The following GMIP variants were observed in gnomAD, a reference collection of about 807,000 sequenced individuals.
GMIP encodes the protein GEM interacting protein, also known as GEM-interacting protein.
A neutral mutation model predicts 105.3 loss-of-function variants in GMIP; 54 were observed. That is an observed-to-expected ratio of 0.51 (90% CI 0.41 to 0.64). GMIP has a LOEUF of 0.64. Among genes scored for constraint, GMIP ranks in the 30% least tolerant of loss-of-function variants. The pLI is 0.00. For synonymous variants in GMIP, 541 were observed against 560.8 expected, an observed-to-expected ratio of 0.96 and a Z score of 0.50; for missense variants, 1,110 against 1,319.4, an observed-to-expected ratio of 0.84 and a Z score of 2.46.
At position 19,630,307 on chromosome 19, in the gene GMIP, G is replaced by A. The variant is rs1427657113; in HGVS notation, c.2569C>T (p.Leu857=). The part of the protein sequence containing the change: ...VSSQGPEDSL[L]GTQSRGHFSR... ...AAGTGGCCACGAGACTGTGTCCCCA[G>A]GAGTGAGTCCTCTGGGCCTTGGCTG... is the stretch of plus-strand genomic sequence containing the variant. Residue 857 remains leucine (L), a synonymous_variant, in exon 21 of 21, where the codon CTG becomes TTG. Coordinates refer to ENST00000203556, the MANE Select transcript of GMIP (RefSeq NM_016573.4). This position sits in a 1 kb window ranked among gnomAD's most constrained non-coding sequence, Gnocchi z 4.8. The A allele has an allele frequency of 3.2e-6, 5 of 1,544,488 alleles. No homozygotes were observed. The highest frequency in any genetic ancestry group is 4.4e-6 in the Non-Finnish European group (5 of 1,144,036).
In GMIP at chr19:19,635,155, C is replaced by T. The variant is rs367726683; in HGVS notation, c.1619G>A (p.Arg540Lys). Residue 540 changes from arginine to lysine, a missense_variant, in exon 16 of 21, where the codon AGG (arginine) becomes AAG (lysine). Transcript: ENST00000203556. The surrounding 1 kb of genome is among the most constrained non-coding windows in gnomAD (Gnocchi z 4.7). ...LETLLILCGH[R>K]RLPARTPLFG... ...AAGGGGTGTCCGGGCTGGGAGCCGC[C>T]TGTGTCCACAGAGGATCAGGAGAGT... 2 of 1,613,962 alleles carry T rather than the reference C, an allele frequency of 1.2e-6. No homozygotes were observed. The highest frequency in any genetic ancestry group is 1.7e-6 in the Non-Finnish European group (2 of 1,179,900).
chr19:19,636,437 C>T (rs2061854759), intron 13 of GMIP, among the ~76,000 whole-genome samples: 2 of 152,008 alleles, frequency 1.3e-5, no homozygotes, highest in African/African-American at 2.4e-5. Flanking sequence ...ACAGGAGAAT[C>T]GCTTGAATCT....
At chr19:19,640,262 CT>C (rs745386647) in intron 6 of GMIP, 33 bp downstream of exon 6, 3 of 1,600,562 alleles carry the variant, frequency 1.9e-6, no homozygotes, top group Non-Finnish European at 2.6e-6. Context: ...TTCTAGGGGG[CT>C]TGGGCTCTCC....
chr19:19,639,975 C>G (rs746278249), intron 7 of GMIP, 110 bp downstream of exon 7: 1 of 643,940 alleles, frequency 1.6e-6, no homozygotes, highest in Non-Finnish European at 2.8e-6. Context: ...GAAATGGCGA[C>G]GTTGGTAGTG....
chr19:19,640,023 A>C, intron 7 of GMIP, 62 bp downstream of exon 7: 1 of 913,968 alleles, frequency 1.1e-6, no homozygotes, highest in Non-Finnish European at 1.8e-6. Flanking sequence ...CGAGGGGATC[A>C]GGCCTGAAGG....
Position 19,630,319 on chromosome 19 carries a change from C to CT in GMIP, c.2556dup (p.Glu853ArgfsTer69). The stretch of plus-strand genomic sequence containing the variant: ...GACTGTGTCCCCAGGAGTGAGTCCT[C>CT]TGGGCCTTGGCTGGACACTGTGTAC... On this transcript the variant is annotated frameshift_variant, in exon 21 of 21. Coordinates refer to ENST00000203556, the MANE Select transcript of GMIP (RefSeq NM_016573.4). LOFTEE classifies it low-confidence loss of function (END_TRUNC). This position sits in a 1 kb window ranked among gnomAD's most constrained non-coding sequence, Gnocchi z 4.8. 3.2e-6 allele frequency: 5 copies of CT among 1,540,060 alleles called. No individual in the cohort carries two copies. Among genetic ancestry groups the CT allele is most frequent in the Non-Finnish European group, 4.4e-6 (5 of 1,142,590 alleles).
Position 19,637,410 on chromosome 19 carries a change from G to A in GMIP, c.1079C>T (p.Pro360Leu), listed in dbSNP as rs917200360. 1 of 1,490,508 alleles carries A rather than the reference G, an allele frequency of 6.7e-7. No individual in the cohort carries two copies. The highest frequency in any genetic ancestry group is 8.9e-7 in the Non-Finnish European group (1 of 1,127,732). 92.3% of individuals were successfully genotyped at this position (1,490,508 alleles called of 1,614,324 possible). A position where few individuals can be genotyped will look rare whatever the true frequency, so the allele number is the denominator to read the frequency against. The change falls in exon 11 of 21, where the codon CCG becomes CTG. Residue 360 changes from proline (P) to leucine (L), a missense_variant. This residue lies in a region of GMIP where 667 missense variants were observed against 773.2 expected (regional missense o/e 0.86). Coordinates refer to ENST00000203556, the MANE Select transcript of GMIP (RefSeq NM_016573.4). This position sits in a 1 kb window ranked among gnomAD's most constrained non-coding sequence, Gnocchi z 6.7. ...CTCCTGGAAGGAGAAGGCGGGCGGC[G>A]GGGGCGGCGGGGCCTCGGGCCGCAG... ...RALRPEAPPP[P>L]PPAFSFQEFL...
rs149802001 is a variant in GMIP at position 19,642,537 on chromosome 19, G to A, written c.102C>T (p.Asn34=). 29 of 1,599,574 alleles carry A rather than the reference G, an allele frequency of 1.8e-5. No homozygotes were observed. In the Admixed American group the frequency reaches 3.7e-4, roughly 20 times the overall value. The change falls in exon 2 of 21, where the codon AAC becomes AAT. Residue 34 remains asparagine, a splice_region_variant and synonymous_variant. Coordinates refer to ENST00000203556, the MANE Select transcript of GMIP (RefSeq NM_016573.4). ...GGGTGATCCAGGCTCAGACTCACAC[G>A]TTCCCCAGTGAGATTTCGAGGTTGT... ...SLDNLEISLG[N]VTLEMLAGDP...
rs574633922 is a variant in GMIP, at chr19:19,630,895, G to A, written c.2473-358C>T. Among the ~76,000 whole-genome samples the A allele has an allele frequency of 5.3e-4, 80 of 152,236 alleles. 1 individual carries two copies. In the South Asian group the frequency reaches 6.2e-3, roughly 12 times the overall value. On this transcript the variant is annotated intron_variant, in intron 19 of 20. Transcript: ENST00000203556. The surrounding 1 kb of genome is among the most constrained non-coding windows in gnomAD (Gnocchi z 4.8). ...GCAGTTTTGGTGTTTGGGGATAGAC[G>A]ATGCCCTTATAAGTGTACTGCTTGG...
chr19:19,637,610 G>A lies in GMIP; in HGVS notation c.928-49C>T, dbSNP rs757136314. ...GGGGAGGGGCGGAGCCTGGGAGCCT[G>A]GGGGCAGGGCCAGAGCTGGGGCGGG... On this transcript the variant is annotated intron_variant, in intron 10 of 20. Transcript: ENST00000203556. The surrounding 1 kb of genome is among the most constrained non-coding windows in gnomAD (Gnocchi z 6.7). 5 of 1,397,602 alleles carry A rather than the reference G, an allele frequency of 3.6e-6. No homozygotes were observed. The Admixed American group carries it at 7.9e-5, about 22-fold the overall frequency. The allele number at this position is 1,397,602 out of a possible 1,614,324, so 86.6% of individuals were successfully genotyped here.
chr19:19,637,954 T>A lies in GMIP; in HGVS notation c.893A>T (p.Lys298Met). The change falls in exon 10 of 21, where the codon AAG becomes ATG. Residue 298 changes from lysine (K) to methionine (M), a missense_variant. Physicochemically the swap from Lys to Met is moderately conservative, Grantham distance 95. This residue lies in a region of GMIP where 667 missense variants were observed against 773.2 expected (regional missense o/e 0.86). Transcript: ENST00000203556. The surrounding 1 kb of genome is among the most constrained non-coding windows in gnomAD (Gnocchi z 6.7). The part of the protein sequence containing the change: ...AKQRIVSHVR[K>M]LVFQGDEVLR... ...CACTTCATCCCCCTGAAACACCAGCTTGCGCACGTGCGACACGATTCGCTG... is the reference window on the plus strand; with the variant it reads ...CACTTCATCCCCCTGAAACACCAGCATGCGCACGTGCGACACGATTCGCTG... The A allele has an allele frequency of 1.2e-6, 2 of 1,610,416 alleles. No individual in the cohort carries two copies. The highest frequency in any genetic ancestry group is 1.7e-6 in the Non-Finnish European group (2 of 1,179,052).
chr19:19,639,267 CA>C (rs2061892513), intron 7 of GMIP, among the ~76,000 whole-genome samples: 1 of 146,772 alleles, frequency 6.8e-6, no homozygotes, highest in African/African-American at 2.5e-5. Flanking sequence ...TTTGTAGAGA[CA>C]GGGGGTCTCA....
chr19:19,641,831 C>T lies in GMIP; in HGVS notation c.217G>A (p.Glu73Lys). ...CTACCTGTGAGGGGTACAGGACCCT[C>T]TGGGGAGGGGCCGCTCCAACAGCTG... The part of the protein sequence containing the change: ...EASCWSGPSP[E>K]GPVPLTGEEL... Residue 73 changes from glutamate to lysine, a missense_variant, in exon 4 of 21, where the codon GAG (glutamate) becomes AAG (lysine). By Grantham distance (56) the Glu-to-Lys change is moderately conservative (BLOSUM62 1). This residue lies in a region of GMIP where 667 missense variants were observed against 773.2 expected (regional missense o/e 0.86). Coordinates refer to ENST00000203556, the MANE Select transcript of GMIP (RefSeq NM_016573.4). The T allele has an allele frequency of 2.5e-6, 4 of 1,612,446 alleles. No individual in the cohort carries two copies. Among genetic ancestry groups the T allele is most frequent in the Non-Finnish European group, 3.4e-6 (4 of 1,179,734 alleles).
intron 1 of GMIP, chr19:19,642,985 G>A (rs73924828): frequency 0.012 from 2,584 of 214,174 alleles, 71 homozygotes; most frequent in African/African-American, 0.055. Flanking sequence ...CAGAGCCTGG[G>A]GCAGAAACAC....
At position 19,635,760 on chromosome 19, in the gene GMIP, G is replaced by A. The variant is rs2061847803; in HGVS notation, c.1328-39C>T. On this transcript the variant is annotated intron_variant, in intron 13 of 20. Transcript: ENST00000203556. This position sits in a 1 kb window ranked among gnomAD's most constrained non-coding sequence, Gnocchi z 4.7. ...AATCATGGGAGATTCCTGGGCTATG[G>A]GAGGCACTCCTGGTTTTTAGGGCTT... 1 of 1,559,256 alleles carries A rather than the reference G, an allele frequency of 6.4e-7. No individual in the cohort carries two copies. The highest frequency in any genetic ancestry group is 8.8e-7 in the Non-Finnish European group (1 of 1,130,812).
Position 19,637,149 on chromosome 19 carries a change from G to A in GMIP, c.1125-120C>T, listed in dbSNP as rs1457284597. 2 of 707,248 alleles carry A rather than the reference G, an allele frequency of 2.8e-6. No homozygotes were observed. The highest frequency in any genetic ancestry group is 2.7e-5 in the East Asian group (1 of 36,898). 43.8% of individuals were successfully genotyped at this position (707,248 alleles called of 1,614,324 possible). ...TGGGTCTGCAAACCCTGACACCCAGGGCATTGTGGCCCCTGAAATACAGTA... is the reference window on the plus strand; with the variant it reads ...TGGGTCTGCAAACCCTGACACCCAGAGCATTGTGGCCCCTGAAATACAGTA... On this transcript the variant is annotated intron_variant, in intron 11 of 20. Coordinates refer to ENST00000203556, the MANE Select transcript of GMIP (RefSeq NM_016573.4). This position sits in a 1 kb window ranked among gnomAD's most constrained non-coding sequence, Gnocchi z 6.7.
intron 7 of GMIP, among the ~76,000 whole-genome samples, chr19:19,639,681 T>C (rs1217837498): frequency 6.6e-6 from 1 of 151,842 alleles, no homozygotes; most frequent in Non-Finnish European, 1.5e-5. Flanking sequence ...AAACCCCATC[T>C]GTACTAAAAA....
Position 19,635,351 on chromosome 19 carries a change from A to G in GMIP, c.1560+64T>C. ...TCCCAGGGGCAGAAAGGCTGTAGGA[A>G]TCTCAGGTCAGGGAGATGATCAAGG... is the stretch of plus-strand genomic sequence containing the variant. On this transcript the variant is annotated intron_variant, in intron 15 of 20. Coordinates refer to ENST00000203556, the MANE Select transcript of GMIP (RefSeq NM_016573.4). This position sits in a 1 kb window ranked among gnomAD's most constrained non-coding sequence, Gnocchi z 4.7. 6.4e-7 allele frequency: 1 copy of G among 1,574,032 alleles called. No homozygotes were observed. Among genetic ancestry groups the G allele is most frequent in the Non-Finnish European group, 8.7e-7 (1 of 1,154,518 alleles).
At chr19:19,633,678 G>T in intron 19 of GMIP, 125 bp downstream of exon 19, 1 of 677,608 alleles carries the variant, frequency 1.5e-6, no homozygotes. Flanking sequence ...ATGAACATAA[G>T]TTAAATGAGG....
Sources: gnomAD v4.1 joint callset for allele counts (sites outside exome capture counted in the v4.1 genomes callset) on GRCh38, gnomAD v4.1.1 for gene constraint, gnomAD v4.1.1 regional missense constraint, Gnocchi (gnomAD v3.1) non-coding constraint, MANE v1.5 for transcripts, NCBI Gene and HGNC (gene_info 2026-07-23, HGNC 2026-07-21) for gene names.